TMEM38A: variants seen among roughly 807,000 people sequenced by gnomAD.
The protein encoded by TMEM38A is transmembrane protein 38A.
A neutral mutation model predicts 28.6 loss-of-function variants in TMEM38A; 17 were observed. The observed-to-expected ratio is 0.60, with a 90% confidence interval of 0.41 to 0.89. The LOEUF (loss-of-function observed/expected upper bound fraction) is 0.89. Ranked by LOEUF, TMEM38A falls within the 40% of genes least tolerant of loss-of-function variation. The pLI, the probability that TMEM38A is intolerant of heterozygous loss-of-function variation, is 0.00. For missense variants in TMEM38A, 328 were observed against 393.1 expected, an observed-to-expected ratio of 0.83 and a Z score of 1.40; for synonymous variants, 169 against 166.1, an observed-to-expected ratio of 1.02 and a Z score of -0.14.
Position 16,682,552 on chromosome 19 carries a change from C to G in TMEM38A, c.554+44C>G, listed in dbSNP as rs2086786444. On this transcript the variant is annotated intron_variant, in intron 4 of 5. Coordinates refer to ENST00000187762, the MANE Select transcript of TMEM38A (RefSeq NM_024074.4). ...CTCTCCCTCCATGCCTCCTGTATGT[C>G]CGGGTGCCTGACCCTGAGTTGGATG... is the stretch of plus-strand genomic sequence containing the variant. 6 of 1,568,494 alleles carry G rather than the reference C, an allele frequency of 3.8e-6. No homozygotes were observed. In the African/African-American group the frequency reaches 8.1e-5, roughly 21 times the overall value.
At chr19:16,674,424 C>T (rs1242734017) in intron 1 of TMEM38A, among the ~76,000 whole-genome samples, 1 of 148,914 alleles carries the variant, frequency 6.7e-6, no homozygotes, top group African/African-American at 2.5e-5. Context: ...GGGGATCCAA[C>T]ACAACCATGA....
At chr19:16,667,453 G>GTGAA (rs2122577086) in intron 1 of TMEM38A, among the ~76,000 whole-genome samples, 1 of 152,288 alleles carries the variant, frequency 6.6e-6, no homozygotes, top group African/African-American at 2.4e-5. Context: ...GAAGAAATGA[G>GTGAA]TGAATCAATG....
chr19:16,676,065 A>C (rs1266254847), intron 1 of TMEM38A, among the ~76,000 whole-genome samples: 11 of 152,214 alleles, frequency 7.2e-5, no homozygotes, highest in Non-Finnish European at 2.9e-5. Flanking sequence ...TTGACTAATA[A>C]GAGATCACAT....
intron 1 of TMEM38A, among the ~76,000 whole-genome samples, chr19:16,672,516 T>G (rs2086732375): frequency 6.8e-6 from 1 of 146,930 alleles, no homozygotes; most frequent in African/African-American, 2.6e-5. Flanking sequence ...TGGTGTGACC[T>G]TGGCTCACTG....
At chr19:16,671,599 C>G (rs1266505935) in intron 1 of TMEM38A, among the ~76,000 whole-genome samples, 2 of 151,770 alleles carry the variant, frequency 1.3e-5, no homozygotes, top group Non-Finnish European at 2.9e-5. Flanking sequence ...AGTAGCAGAG[C>G]CAGAAGCTAG....
At chr19:16,669,837 G>A (rs950305064) in intron 1 of TMEM38A, among the ~76,000 whole-genome samples, 1 of 152,262 alleles carries the variant, frequency 6.6e-6, no homozygotes, top group Middle Eastern at 3.4e-3. Context: ...CTGCAAATGA[G>A]GCATTGACCC....
rs2086814293 is a variant in TMEM38A, at chr19:16,688,986, CCAGCAAGACCCTGTCTCA to C, written c.*616_*633del. On this transcript the variant is annotated 3_prime_UTR_variant, in exon 6 of 6. Coordinates refer to ENST00000187762, the MANE Select transcript of TMEM38A (RefSeq NM_024074.4). ...CCAGCCTGGCCAATAAGACCTGTCT[CCAGCAAGACCCTGTCTCA>C]AAAAAAAAAAAAAAAATTGCATATT... 2.2e-5 allele frequency: 3 copies of C among 139,138 alleles called. No individual in the cohort carries two copies. Among genetic ancestry groups the C allele is most frequent in the African/African-American group, 8.2e-5 (3 of 36,528 alleles). 8.6% of individuals were successfully genotyped at this position (139,138 alleles called of 1,614,324 possible).
At chr19:16,672,538 T>C (rs1206302904) in intron 1 of TMEM38A, among the ~76,000 whole-genome samples, 2 of 141,088 alleles carry the variant, frequency 1.4e-5, no homozygotes, top group Admixed American at 7.6e-5. Flanking sequence ...AACCTCCACC[T>C]CCTGAATTCA....
At chr19:16,676,705 T>G (rs1234746895) in intron 1 of TMEM38A, among the ~76,000 whole-genome samples, 1 of 151,780 alleles carries the variant, frequency 6.6e-6, no homozygotes, top group Admixed American at 6.6e-5. Context: ...GATGCAAGGA[T>G]TTAGTGAATA....
At position 16,680,488 on chromosome 19, in the gene TMEM38A, G is replaced by T; in HGVS notation, c.373G>T (p.Val125Leu). Reference sequence around the variant, plus strand: ...CATCTTCGTGGCCATGAAGGAGGTGGTGCGAGTCCGCAAGATCGCGGTGGG... The same window carrying T: ...CATCTTCGTGGCCATGAAGGAGGTGTTGCGAGTCCGCAAGATCGCGGTGGG... ...KLIFVAMKEVVRVRKIAVGIH... is the reference protein window; with the variant it reads ...KLIFVAMKEVLRVRKIAVGIH... The change falls in exon 3 of 6, where the codon GTG becomes TTG. Residue 125 changes from valine (V) to leucine (L), a missense_variant. Coordinates refer to ENST00000187762, the MANE Select transcript of TMEM38A (RefSeq NM_024074.4). The T allele has an allele frequency of 6.2e-7, 1 of 1,614,174 alleles. No homozygotes were observed. The highest frequency in any genetic ancestry group is 1.7e-5 in the Admixed American group (1 of 60,008).
chr19:16,665,811 C>CA (rs1267514491), intron 1 of TMEM38A, among the ~76,000 whole-genome samples: 2 of 147,586 alleles, frequency 1.4e-5, no homozygotes, highest in Non-Finnish European at 3.0e-5. Context: ...CTTTTCTTTT[C>CA]CTTTTTTTTT....
chr19:16,662,518 A>T (rs113654932), intron 1 of TMEM38A, among the ~76,000 whole-genome samples: 6,933 of 126,340 alleles, frequency 0.055, 470 homozygotes, highest in African/African-American at 0.18. Context: ...CAGTGGCGTG[A>T]TCTCGGCTCA....
At chr19:16,677,503 T>C (rs1022065901) in intron 1 of TMEM38A, among the ~76,000 whole-genome samples, 2 of 149,672 alleles carry the variant, frequency 1.3e-5, no homozygotes, top group Non-Finnish European at 2.9e-5. Context: ...CCCAGCTAAT[T>C]AGAAAAAATT....
intron 1 of TMEM38A, among the ~76,000 whole-genome samples, chr19:16,677,847 C>T (rs908310249): frequency 2.0e-5 from 3 of 152,034 alleles, no homozygotes; most frequent in African/African-American, 7.2e-5. Flanking sequence ...TGTGAGCCAC[C>T]GTGCCCAGCC....
chr19:16,680,334 C>T, intron 2 of TMEM38A, 63 bp from the exon 3 acceptor site: 1 of 1,584,234 alleles, frequency 6.3e-7, no homozygotes, highest in Middle Eastern at 1.7e-4. Flanking sequence ...ATAACCACAG[C>T]TCCCTACCCC....
intron 1 of TMEM38A, among the ~76,000 whole-genome samples, chr19:16,671,731 G>A (rs1345443139): frequency 6.6e-6 from 1 of 152,216 alleles, no homozygotes; most frequent in African/African-American, 2.4e-5. Context: ...CGCCCAGCCG[G>A]CATGTGACTT....
At chr19:16,683,969 T>TAAA (rs111516855) in intron 4 of TMEM38A, among the ~76,000 whole-genome samples, 2,132 of 134,316 alleles carry the variant, frequency 0.016, 54 homozygotes, top group African/African-American at 0.052. Flanking sequence ...AAATTCCATC[T>TAAA]CAAAAAAAAA....
At chr19:16,677,726 T>C (rs556567675) in intron 1 of TMEM38A, among the ~76,000 whole-genome samples, 3 of 152,044 alleles carry the variant, frequency 2.0e-5, no homozygotes, top group African/African-American at 7.2e-5. Flanking sequence ...CCAGCTAATT[T>C]TTAAAATTTT....
intron 4 of TMEM38A, among the ~76,000 whole-genome samples, chr19:16,686,046 C>G (rs1238575231): frequency 6.6e-6 from 1 of 152,140 alleles, no homozygotes; most frequent in Non-Finnish European, 1.5e-5. Flanking sequence ...GCCTGTAATC[C>G]CAGCTACTTG....
Sources: allele counts gnomAD v4.1 joint callset (sites outside exome capture counted in the v4.1 genomes callset), GRCh38; gene constraint gnomAD v4.1.1; transcripts MANE v1.5; gene names NCBI Gene and HGNC (gene_info 2026-07-23, HGNC 2026-07-21).